ZNF431: variants seen among roughly 807,000 people sequenced by gnomAD.
ZNF431 encodes the protein zinc finger protein 431.
In ZNF431, 34 loss-of-function variants were observed where a neutral mutation model predicts 57.0. The ratio of observed to expected loss-of-function variants is 0.60; its 90% CI spans 0.45 to 0.79. ZNF431 has a LOEUF of 0.79. Ranked by LOEUF, ZNF431 falls within the 30% of genes least tolerant of loss-of-function variation. The pLI, the probability that ZNF431 is intolerant of heterozygous loss-of-function variation, is 0.00. For missense variants in ZNF431, 607 were observed against 667.1 expected, an observed-to-expected ratio of 0.91 and a Z score of 0.99; for synonymous variants, 207 against 220.3, an observed-to-expected ratio of 0.94 and a Z score of 0.54.
intron 4 of ZNF431, among the ~76,000 whole-genome samples, chr19:21,177,052 A>G (rs1295890719): frequency 2.0e-5 from 3 of 152,182 alleles, no homozygotes; most frequent in Middle Eastern, 3.4e-3. Context: ...CCATTTGTCA[A>G]TGTTTGCTTT....
At chr19:21,144,305 TCTC>T (rs1457290084) in intron 2 of ZNF431, among the ~76,000 whole-genome samples, 43 of 152,098 alleles carry the variant, frequency 2.8e-4, no homozygotes, top group Non-Finnish European at 2.9e-5. Context: ...TTCAAGCAAT[TCTC>T]CTACCTCAGC....
Position 21,192,922 on chromosome 19 carries a change from G to GACT in ZNF431, c.*8893_*8895dup, listed in dbSNP as rs1971535344. Reference sequence around the variant, plus strand: ...CTGCATACATACAAAAAAAGTCAGAGACTACTATGAACATCTCTATGCCTG... The same window carrying GACT: ...CTGCATACATACAAAAAAAGTCAGAGACTACTACTATGAACATCTCTATGCCTG... On this transcript the variant is annotated 3_prime_UTR_variant, in exon 5 of 5. Coordinates refer to ENST00000311048, the MANE Select transcript of ZNF431 (RefSeq NM_133473.4). The GACT allele has an allele frequency of 2.0e-5, 3 of 152,066 alleles. No homozygotes were observed. The South Asian group carries it at 6.2e-4, about 31-fold the overall frequency. The allele number at this position is 152,066 out of a possible 1,614,324, so 9.4% of individuals were successfully genotyped here. A position where few individuals can be genotyped will look rare whatever the true frequency, so the allele number is the denominator to read the frequency against.
chr19:21,170,633 ATTTC>A (rs1314887363), intron 4 of ZNF431, among the ~76,000 whole-genome samples: 2 of 151,328 alleles, frequency 1.3e-5, no homozygotes, highest in Non-Finnish European at 3.0e-5. Flanking sequence ...TGATAACATA[ATTTC>A]TTTCTTTTCT....
intron 2 of ZNF431, among the ~76,000 whole-genome samples, chr19:21,161,351 A>T (rs546518783): frequency 1.3e-5 from 2 of 152,234 alleles, no homozygotes; most frequent in East Asian, 3.9e-4. Flanking sequence ...GTGACTTCTG[A>T]TATCATCTGA....
rs1971519146 is a variant in ZNF431, at chr19:21,191,981, G to C, written c.*7947G>C. ...AAATATTAATGTCAGTTCATGAATAGTCCATTTATGTATTAATTTCTATTT... is the reference window on the plus strand; with the variant it reads ...AAATATTAATGTCAGTTCATGAATACTCCATTTATGTATTAATTTCTATTT... On this transcript the variant is annotated 3_prime_UTR_variant, in exon 5 of 5. Transcript: ENST00000311048. 6.6e-6 allele frequency: 1 copy of C among 152,100 alleles called. No homozygotes were observed. Among genetic ancestry groups the C allele is most frequent in the Non-Finnish European group, 1.5e-5 (1 of 68,034 alleles). The allele number at this position is 152,100 out of a possible 1,614,324, so 9.4% of individuals were successfully genotyped here. A position where few individuals can be genotyped will look rare whatever the true frequency, so the allele number is the denominator to read the frequency against.
At chr19:21,143,460 T>C (rs1599569059) in intron 1 of ZNF431, 91 bp from the exon 2 acceptor site, 3 of 1,016,780 alleles carry the variant, frequency 3.0e-6, no homozygotes, top group African/African-American at 1.6e-5. Context: ...TGGGTTTCAG[T>C]GCTGTCTGGG....
intron 1 of ZNF431, among the ~76,000 whole-genome samples, chr19:21,142,438 C>T (rs916301156): frequency 2.0e-5 from 3 of 152,232 alleles, no homozygotes; most frequent in Non-Finnish European, 2.9e-5. Context: ...CTGGGCAGCT[C>T]TGCACCCGCA....
At chr19:21,177,375 C>A (rs752320980) in intron 4 of ZNF431, among the ~76,000 whole-genome samples, 1 of 152,044 alleles carries the variant, frequency 6.6e-6, no homozygotes, top group Non-Finnish European at 1.5e-5. Flanking sequence ...TATTCTATTC[C>A]ATTGGTCTAT....
At chr19:21,149,202 G>A (rs1970194215) in intron 2 of ZNF431, among the ~76,000 whole-genome samples, 1 of 151,954 alleles carries the variant, frequency 6.6e-6, no homozygotes, top group African/African-American at 2.4e-5. Flanking sequence ...AATTCCATAT[G>A]TCTCAAGGCC....
rs1448721700 is a variant in ZNF431, at chr19:21,192,564, C to T, written c.*8530C>T. ...AATTATACAGGAATAATTCCTTTTCCTCAATTTGGATGCCTTTGATTTTTT... is the reference window on the plus strand; with the variant it reads ...AATTATACAGGAATAATTCCTTTTCTTCAATTTGGATGCCTTTGATTTTTT... On this transcript the variant is annotated 3_prime_UTR_variant, in exon 5 of 5. Transcript: ENST00000311048. 1 of 149,756 alleles carries T rather than the reference C, an allele frequency of 6.7e-6. No homozygotes were observed. The highest frequency in any genetic ancestry group is 2.5e-5 in the African/African-American group (1 of 39,934). The allele number at this position is 149,756 out of a possible 1,614,324, so 9.3% of individuals were successfully genotyped here.
chr19:21,168,180 C>T (rs1247236631), intron 4 of ZNF431, among the ~76,000 whole-genome samples: 2 of 151,738 alleles, frequency 1.3e-5, no homozygotes, highest in African/African-American at 4.8e-5. Flanking sequence ...TATGATGTCC[C>T]TCTGCTTTGT....
At chr19:21,180,718 G>A (rs1220898442) in intron 4 of ZNF431, among the ~76,000 whole-genome samples, 1 of 150,652 alleles carries the variant, frequency 6.6e-6, no homozygotes, top group Non-Finnish European at 1.5e-5. Context: ...GGAGGCCGAG[G>A]CAGGCAGATC....
At chr19:21,143,702 C>T in intron 2 of ZNF431, 59 bp downstream of exon 2, 1 of 1,308,680 alleles carries the variant, frequency 7.6e-7, no homozygotes, top group Non-Finnish European at 1.1e-6. Flanking sequence ...TTCTTGGGGA[C>T]ACATTGCTGG....
At position 21,175,256 on chromosome 19, in the gene ZNF431, C is replaced by T. The variant is rs374995419; in HGVS notation, c.320-7367C>T. On this transcript the variant is annotated intron_variant, in intron 4 of 4. Transcript: ENST00000311048. ...TTTTCTGTAGAGACAGTTTTTTGCC[C>T]TGTTGTCTAGGTTGGTCTCAAACTC... 7.2e-5 allele frequency among the ~76,000 whole-genome samples: 11 copies of T among 152,032 alleles called. No individual in the cohort carries two copies. The East Asian group carries it at 1.9e-3, about 27-fold the overall frequency.
chr19:21,155,690 A>G (rs547115179), intron 2 of ZNF431, among the ~76,000 whole-genome samples: 7 of 152,170 alleles, frequency 4.6e-5, no homozygotes, highest in South Asian at 4.2e-4. Context: ...AATGAGGACA[A>G]TGTTGTGGGA....
rs138763532 is a variant in ZNF431, at chr19:21,148,339, G to A, written c.96+4696G>A. Among the ~76,000 whole-genome samples the A allele has an allele frequency of 1.6e-4, 24 of 152,198 alleles. No individual in the cohort carries two copies. The East Asian group carries it at 4.6e-3, about 29-fold the overall frequency. On this transcript the variant is annotated intron_variant, in intron 2 of 4. Transcript: ENST00000311048. Reference sequence around the variant, plus strand: ...ACAAATCTATCCAATTTTAATGTTTGACCATAAGGTAGTATTCTCATAAAC... The same window carrying A: ...ACAAATCTATCCAATTTTAATGTTTAACCATAAGGTAGTATTCTCATAAAC...
intron 4 of ZNF431, among the ~76,000 whole-genome samples, chr19:21,170,079 G>A (rs187904785): frequency 3.5e-4 from 54 of 152,238 alleles, no homozygotes; most frequent in African/African-American, 1.3e-3. Context: ...TTTCCCACAC[G>A]AATAAGTGCC....
At chr19:21,178,139 G>T (rs1971112403) in intron 4 of ZNF431, among the ~76,000 whole-genome samples, 1 of 152,050 alleles carries the variant, frequency 6.6e-6, no homozygotes, top group African/African-American at 2.4e-5. Flanking sequence ...TTGGTGTATT[G>T]AAATGTTTGT....
chr19:21,149,876 A>C, intron 2 of ZNF431: 1 of 641,894 alleles, frequency 1.6e-6, no homozygotes, highest in South Asian at 1.5e-5. Flanking sequence ...TAGACGTCCT[A>C]GTCTTACCTT....
Sources: allele counts gnomAD v4.1 joint callset (sites outside exome capture counted in the v4.1 genomes callset), GRCh38; gene constraint gnomAD v4.1.1; transcripts MANE v1.5; gene names NCBI Gene and HGNC (gene_info 2026-07-23, HGNC 2026-07-21).